EDA: variants seen among roughly 807,000 people sequenced by gnomAD.
EDA encodes ectodysplasin A.
In EDA, 2 loss-of-function variants were observed where a neutral mutation model predicts 23.6. The observed-to-expected ratio is 0.08, with a 90% CI of 0.03 to 0.27. The LOEUF (loss-of-function observed/expected upper bound fraction) is 0.27. EDA is among the 10% of genes least tolerant of loss of function. The probability of loss-of-function intolerance (pLI) is 1.00; values close to 1 mark genes in which losing one functional copy is unlikely to be tolerated. For synonymous variants in EDA, 131 were observed against 132.0 expected (o/e 0.99, Z 0.05); for missense variants, 229 against 324.2 (o/e 0.71, Z 2.26).
At chrX:69,961,205 C>T (rs1383362626) in intron 2 of EDA, among the ~76,000 whole-genome samples, 2 of 111,246 alleles carry the variant, frequency 1.8e-5, no homozygotes, top group East Asian at 2.8e-4. Flanking sequence ...GAACTGCTGA[C>T]GTTGAGTGAT....
chrX:69,958,935 A>G (rs1047478387), intron 2 of EDA, among the ~76,000 whole-genome samples: 2 of 111,248 alleles, frequency 1.8e-5, no homozygotes, highest in Admixed American at 1.9e-4. Flanking sequence ...ATCACCTTCT[A>G]TAGTGGGCGT....
intron 1 of EDA, among the ~76,000 whole-genome samples, chrX:69,902,322 AT>A (rs1208787645): frequency 8.9e-6 from 1 of 111,757 alleles, no homozygotes; most frequent in Non-Finnish European, 1.9e-5. Context: ...ACACTCCCTG[AT>A]TGACAAAGCT....
At chrX:69,899,182 C>T (rs2018062674) in intron 1 of EDA, among the ~76,000 whole-genome samples, 1 of 111,837 alleles carries the variant, frequency 8.9e-6, no homozygotes, top group Admixed American at 9.5e-5. Context: ...CATTCTTCTC[C>T]AGCACTATTG....
At chrX:69,908,815 CA>C (rs1477918122) in intron 1 of EDA, among the ~76,000 whole-genome samples, 1 of 109,655 alleles carries the variant, frequency 9.1e-6, no homozygotes, top group Non-Finnish European at 1.9e-5. Flanking sequence ...TAGTTTAGGA[CA>C]ATTTTCTAAC....
chrX:69,841,970 G>A (rs1022301519), intron 1 of EDA, among the ~76,000 whole-genome samples: 6 of 111,870 alleles, frequency 5.4e-5, no homozygotes, highest in Non-Finnish European at 1.1e-4. Context: ...CTTAACTTTG[G>A]GAAGACAGAA....
At chrX:69,731,695 G>A (rs2013035114) in intron 1 of EDA, among the ~76,000 whole-genome samples, 1 of 111,274 alleles carries the variant, frequency 9.0e-6, no homozygotes. Flanking sequence ...GCCTGCCTTT[G>A]GCCTCCCAAA....
chrX:69,699,608 A>G (rs757639888), intron 1 of EDA, among the ~76,000 whole-genome samples: 9 of 111,639 alleles, frequency 8.1e-5, no homozygotes, highest in Non-Finnish European at 1.7e-4. Flanking sequence ...CAGGCAGGTC[A>G]TCCGAGAACT....
At chrX:69,968,886 G>A (rs974589022) in intron 2 of EDA, among the ~76,000 whole-genome samples, 1 of 112,278 alleles carries the variant, frequency 8.9e-6, no homozygotes, top group African/African-American at 3.2e-5. Flanking sequence ...GTTCACAAAT[G>A]TAGAGAGAGC....
chrX:69,868,754 G>C (rs745958609), intron 1 of EDA, among the ~76,000 whole-genome samples: 1 of 112,312 alleles, frequency 8.9e-6, no homozygotes, highest in Non-Finnish European at 1.9e-5. Flanking sequence ...AATTGCTTCT[G>C]GTGGGCCTTA....
chrX:69,761,826 C>T (rs953780843), intron 1 of EDA, among the ~76,000 whole-genome samples: 1 of 111,559 alleles, frequency 9.0e-6, no homozygotes, highest in Non-Finnish European at 1.9e-5. Context: ...TGGCAGTTCC[C>T]CTCCTCCTAA....
intron 1 of EDA, among the ~76,000 whole-genome samples, chrX:69,661,156 GTC>G (rs1272219559): frequency 9.2e-6 from 1 of 108,779 alleles, no homozygotes; most frequent in African/African-American, 3.4e-5. Context: ...TTTGAGAAGT[GTC>G]TGTTCATATC....
intron 2 of EDA, among the ~76,000 whole-genome samples, chrX:70,018,861 C>A (rs1202936408): frequency 9.0e-6 from 1 of 111,424 alleles, no homozygotes; most frequent in Non-Finnish European, 1.9e-5. Context: ...CTAAAGAGCT[C>A]CTGCATAGCA....
intron 1 of EDA, among the ~76,000 whole-genome samples, chrX:69,797,603 G>A (rs996731568): frequency 1.8e-5 from 2 of 111,529 alleles, no homozygotes; most frequent in African/African-American, 6.5e-5. Context: ...AAACCTGGCA[G>A]TGAAAGGATT....
chrX:69,764,071 G>A (rs1284163778), intron 1 of EDA, among the ~76,000 whole-genome samples: 1 of 108,502 alleles, frequency 9.2e-6, no homozygotes, highest in Non-Finnish European at 1.9e-5. Context: ...CTGAGCTGAG[G>A]AGGGGATAAT....
At chrX:69,989,936 C>CTTT (rs760347264) in intron 2 of EDA, among the ~76,000 whole-genome samples, 17 of 70,717 alleles carry the variant, frequency 2.4e-4, no homozygotes, top group African/African-American at 9.4e-4. Context: ...GTTAGGCTTT[C>CTTT]TTTTTTTTTT....
chrX:69,957,447 C>G, intron 2 of EDA: 1 of 209,752 alleles, frequency 4.8e-6, no homozygotes, highest in Non-Finnish European at 8.4e-6. Context: ...CCACTGCACT[C>G]CAGCCTGGGT....
intron 1 of EDA, among the ~76,000 whole-genome samples, chrX:69,667,556 G>A (rs1409633976): frequency 2.7e-5 from 3 of 109,998 alleles, no homozygotes; most frequent in Middle Eastern, 4.7e-3. Flanking sequence ...TAGTTTTATT[G>A]ATTTTTTCTA....
chrX:69,681,129 T>C (rs1348863282), intron 1 of EDA, among the ~76,000 whole-genome samples: 7 of 111,491 alleles, frequency 6.3e-5, no homozygotes, highest in African/African-American at 2.3e-4. Flanking sequence ...TTCTTTTCTT[T>C]AAGAATGTTG....
intron 1 of EDA, among the ~76,000 whole-genome samples, chrX:69,697,441 T>C (rs1445805518): frequency 9.0e-6 from 1 of 111,355 alleles, no homozygotes; most frequent in African/African-American, 3.3e-5. Flanking sequence ...TATTTGGTTA[T>C]AGAAAAAGGG....
Sources: gnomAD v4.1 joint callset for allele counts (sites outside exome capture counted in the v4.1 genomes callset) on GRCh38, gnomAD v4.1.1 for gene constraint, MANE v1.5 for transcripts, NCBI Gene and HGNC (gene_info 2026-07-23, HGNC 2026-07-21) for gene names.